CFAP58: variants seen among roughly 807,000 people sequenced by gnomAD.
CFAP58 encodes the protein cilia- and flagella-associated protein 58.
CFAP58 carries 88 observed loss-of-function variants against 119.5 expected under a neutral mutation model. That is an observed-to-expected ratio of 0.74 (90% confidence interval 0.62 to 0.88). The LOEUF is 0.88. Among genes scored for constraint, CFAP58 ranks in the 40% least tolerant of loss-of-function variants. The probability of loss-of-function intolerance (pLI) is 0.00; values close to 1 mark genes in which losing one functional copy is unlikely to be tolerated. For missense variants in CFAP58, 990 were observed against 1,021.2 expected, an observed-to-expected ratio of 0.97 and a Z score of 0.42; for synonymous variants, 365 against 366.3, an observed-to-expected ratio of 1.00 and a Z score of 0.04.
chr10:104,398,927 C>T (rs1353404659), intron 11 of CFAP58, among the ~76,000 whole-genome samples: 3 of 152,126 alleles, frequency 2.0e-5, no homozygotes, highest in Admixed American at 6.6e-5. Flanking sequence ...CTTTGCAGTT[C>T]GTGTGCTGGT....
rs374995379 is a variant in CFAP58, at chr10:104,393,830, C to T, written c.1674+355C>T. Among the ~76,000 whole-genome samples the T allele has an allele frequency of 1.9e-4, 29 of 152,346 alleles. No homozygotes were observed. The East Asian group carries it at 5.6e-3, about 29-fold the overall frequency. On this transcript the variant is annotated intron_variant, in intron 11 of 17. Coordinates refer to ENST00000369704, the MANE Select transcript of CFAP58 (RefSeq NM_001008723.2). ...AAGCTTGCTACAATCCCTCTGCATT[C>T]ACAACCAAGTACAACCATTGTGCTC...
chr10:104,348,582 G>A, the CFAP58 span, among the ~76,000 whole-genome samples: 262 of 152,292 alleles, frequency 1.7e-3, 1 homozygote, highest in Middle Eastern at 6.8e-3. Flanking sequence ...ATCCTTCCAA[G>A]GCTCTCTGCT....
chr10:104,423,820 C>T (rs2012699244), intron 15 of CFAP58, among the ~76,000 whole-genome samples: 1 of 152,118 alleles, frequency 6.6e-6, no homozygotes, highest in African/African-American at 2.4e-5. Flanking sequence ...CCAACAAGGA[C>T]CCGGGGGAGT....
chr10:104,434,324 TCTCTTGTGTTTCCTAC>T (rs111553520), intron 15 of CFAP58, among the ~76,000 whole-genome samples: 8 of 152,298 alleles, frequency 5.3e-5, no homozygotes, highest in African/African-American at 1.9e-4. Context: ...TTCTAGAACT[TCTCTTGTGTTTCCTAC>T]CTCAGTGGCA....
chr10:104,366,061 CT>C, intron 5 of CFAP58, 53 bp downstream of exon 5: 1 of 1,404,800 alleles, frequency 7.1e-7, no homozygotes, highest in South Asian at 1.5e-5. Context: ...AGAATGGCAC[CT>C]TTATTCACCC....
chr10:104,361,918 A>G, intron 2 of CFAP58, 105 bp from the exon 3 acceptor site: 1 of 1,109,296 alleles, frequency 9.0e-7, no homozygotes, highest in Non-Finnish European at 1.3e-6. Context: ...GTCAATGCAC[A>G]TTTATATAAC....
At position 104,403,761 on chromosome 10, in the gene CFAP58, T is replaced by C. The variant is rs141539826; in HGVS notation, c.2072T>C (p.Leu691Ser). The C allele has an allele frequency of 4.2e-4, 678 of 1,612,186 alleles. No homozygotes were observed. The highest frequency in any genetic ancestry group is 5.5e-4 in the Non-Finnish European group (648 of 1,179,340). ...TTTTTTCACATGCAAAGAGAATTGT[T>C]GAAGGAGAGGACACGCTGCCGAGCC... ...QEFFHMQREL[L>S]KERTRCRALE... is the part of the protein sequence containing the mutation. Residue 691 changes from leucine (L) to serine (S), a missense_variant, in exon 14 of 18, where the codon TTG becomes TCG. Physicochemically the swap from Leu to Ser is moderately radical, Grantham distance 145. Transcript: ENST00000369704.
intron 1 of CFAP58, among the ~76,000 whole-genome samples, chr10:104,357,956 CACAT>C (rs1404562865): frequency 2.4e-4 from 26 of 108,468 alleles, no homozygotes; most frequent in Admixed American, 1.1e-3. Flanking sequence ...CACATATATA[CACAT>C]ATATGTACAC....
At chr10:104,371,094 A>T (rs1427022280) in intron 7 of CFAP58, 40 bp downstream of exon 7, 2 of 1,562,418 alleles carry the variant, frequency 1.3e-6, no homozygotes, top group Admixed American at 3.8e-5. Flanking sequence ...GAAACATTTT[A>T]TTGGTGACTG....
At chr10:104,399,525 G>C in intron 12 of CFAP58, 25 bp downstream of exon 12, 1 of 1,609,274 alleles carries the variant, frequency 6.2e-7, no homozygotes, top group South Asian at 1.1e-5. Flanking sequence ...TGTCAGACTT[G>C]CAGACCTTGT....
At chr10:104,363,039 T>C (rs184794597) in intron 3 of CFAP58, among the ~76,000 whole-genome samples, 64 of 152,312 alleles carry the variant, frequency 4.2e-4, no homozygotes, top group Non-Finnish European at 7.8e-4. Flanking sequence ...TTAAGACCCA[T>C]CTCAAACACT....
chr10:104,389,938 A>G (rs1467330553), intron 9 of CFAP58, among the ~76,000 whole-genome samples: 1 of 152,196 alleles, frequency 6.6e-6, no homozygotes, highest in Non-Finnish European at 1.5e-5. Context: ...TCAACAGTAC[A>G]TTAAAAGAAT....
chr10:104,411,014 A>G (rs2012451949), intron 15 of CFAP58, among the ~76,000 whole-genome samples: 1 of 152,110 alleles, frequency 6.6e-6, no homozygotes, highest in South Asian at 2.1e-4. Context: ...ATCTTGGCGC[A>G]CTGCAACCTC....
chr10:104,392,340 T>G lies in CFAP58; in HGVS notation c.1473T>G (p.Tyr491Ter). The change falls in exon 10 of 18, where the codon TAT (tyrosine) becomes TAG (stop). Residue 491 changes from tyrosine (Y) to a stop codon, truncating the protein, a stop_gained. Transcript: ENST00000369704. LOFTEE classifies it high-confidence loss of function. ...AATTAAAACAGCAACAGAACCTATA[T>G]GAAGCTGTGAGATCAGACAGAAATC... Reference protein sequence around the residue: ...EIKLKQQQNLYEAVRSDRNLY... With the variant: ...EIKLKQQQNL 6.2e-7 allele frequency: 1 copy of G among 1,612,110 alleles called. No individual in the cohort carries two copies. The highest frequency in any genetic ancestry group is 1.1e-5 in the South Asian group (1 of 90,598).
chr10:104,353,808 G>A, upstream of CFAP58: 1 of 1,491,530 alleles, frequency 6.7e-7, no homozygotes, highest in Non-Finnish European at 9.2e-7. Flanking sequence ...TAGAGACAGC[G>A]CGTCGCGCCT....
intron 7 of CFAP58, among the ~76,000 whole-genome samples, chr10:104,371,300 T>G (rs1033626535): frequency 1.3e-5 from 2 of 152,212 alleles, no homozygotes; most frequent in African/African-American, 4.8e-5. Context: ...ACCTGAAGTA[T>G]TATTGCTCAG....
chr10:104,447,561 CTG>C (rs2013129304), intron 15 of CFAP58, 135 bp from the exon 16 acceptor site: 1 of 1,032,300 alleles, frequency 9.7e-7, no homozygotes, highest in Non-Finnish European at 1.4e-6. Flanking sequence ...CTGAATGAAT[CTG>C]TGAGTGAATG....
chr10:104,368,679 C>T (rs1235070896), intron 6 of CFAP58, 119 bp downstream of exon 6: 2 of 1,036,588 alleles, frequency 1.9e-6, no homozygotes, highest in Non-Finnish European at 2.9e-6. Context: ...ATTGACACAT[C>T]AGAGGCAGGT....
intron 9 of CFAP58, 54 bp from the exon 10 acceptor site, chr10:104,392,179 C>T: frequency 6.7e-7 from 1 of 1,498,544 alleles, no homozygotes; most frequent in Non-Finnish European, 9.1e-7. Flanking sequence ...TGTCCTGAAC[C>T]AATAAGCACA....
Sources: allele counts gnomAD v4.1 joint callset (sites outside exome capture counted in the v4.1 genomes callset), GRCh38; gene constraint gnomAD v4.1.1; transcripts MANE v1.5; gene names NCBI Gene and HGNC (gene_info 2026-07-23, HGNC 2026-07-21).